NRG2: variants seen among roughly 807,000 people sequenced by gnomAD.
The protein encoded by NRG2 is pro-neuregulin-2, membrane-bound isoform.
Under a neutral mutation model 73.9 loss-of-function variants are expected in NRG2, and 27 were observed. The observed-to-expected ratio is 0.37, with a 90% confidence interval of 0.27 to 0.50. The LOEUF (loss-of-function observed/expected upper bound fraction) is 0.50. NRG2 is among the 20% of genes least tolerant of loss of function. The pLI, the probability that NRG2 is intolerant of heterozygous loss-of-function variation, is 0.96. For synonymous variants in NRG2, 532 were observed against 541.0 expected (o/e 0.98, Z 0.23); for missense variants, 1,126 against 1,210.1 (o/e 0.93, Z 1.03).
intron 1 of NRG2, among the ~76,000 whole-genome samples, chr5:139,974,487 G>A (rs184649186): frequency 6.6e-6 from 1 of 152,330 alleles, no homozygotes; most frequent in Non-Finnish European, 1.5e-5. Flanking sequence ...TTGACAACAC[G>A]TGATTGTGAG....
At chr5:139,907,272 T>C (rs1249764041) in intron 1 of NRG2, among the ~76,000 whole-genome samples, 2 of 152,176 alleles carry the variant, frequency 1.3e-5, no homozygotes, top group African/African-American at 4.8e-5. Context: ...TGGTCTGCTA[T>C]GGAAAGCTCT....
chr5:139,908,138 T>C (rs73271456), intron 1 of NRG2, among the ~76,000 whole-genome samples: 5,567 of 152,356 alleles, frequency 0.037, 364 homozygotes, highest in African/African-American at 0.13. Flanking sequence ...CCATGCTCTT[T>C]ACTCTGAGAC....
chr5:139,855,139 T>A (rs1482596677), intron 6 of NRG2, among the ~76,000 whole-genome samples: 1 of 152,152 alleles, frequency 6.6e-6, no homozygotes, highest in Non-Finnish European at 1.5e-5. Flanking sequence ...CTCTGTCCTT[T>A]TGTCTCAATT....
intron 1 of NRG2, among the ~76,000 whole-genome samples, chr5:139,965,102 C>T (rs1755393814): frequency 6.6e-6 from 1 of 152,240 alleles, no homozygotes; most frequent in Admixed American, 6.5e-5. Flanking sequence ...CTTGTTAACC[C>T]CTCATGGTCA....
chr5:140,020,212 G>A (rs150380982), intron 1 of NRG2, among the ~76,000 whole-genome samples: 3 of 152,312 alleles, frequency 2.0e-5, no homozygotes, highest in Non-Finnish European at 4.4e-5. Context: ...ATAAGAATTG[G>A]TACTAAGTAA....
intron 1 of NRG2, among the ~76,000 whole-genome samples, chr5:139,950,954 T>C (rs1754156247): frequency 6.6e-6 from 1 of 152,210 alleles, no homozygotes; most frequent in Admixed American, 6.5e-5. Context: ...CAATAACAGC[T>C]CCCATATATT....
At chr5:140,013,491 T>C (rs760546569) in intron 1 of NRG2, among the ~76,000 whole-genome samples, 24 of 152,240 alleles carry the variant, frequency 1.6e-4, no homozygotes, top group Non-Finnish European at 3.2e-4. Flanking sequence ...TTAATGCCAC[T>C]GAACTGCACA....
chr5:140,023,132 C>T (rs1343574707), intron 1 of NRG2, among the ~76,000 whole-genome samples: 3 of 152,202 alleles, frequency 2.0e-5, no homozygotes, highest in African/African-American at 7.2e-5. Flanking sequence ...ACATTCCTCT[C>T]TTTCTATCAT....
Position 139,887,459 on chromosome 5 carries a change from C to G in NRG2, c.753G>C (p.Glu251Asp), listed in dbSNP as rs1581867164. The stretch of plus-strand genomic sequence containing the variant: ...CTGCCTCACACTTCAGCGATTGCTT[C>G]TCACCCACCTGTCCCGTCTGGCTCT... ...KMKSQTGQVGEKQSLKCEAAA... is the reference protein window; with the variant it reads ...KMKSQTGQVGDKQSLKCEAAA... The change falls in exon 2 of 10, where the codon GAG becomes GAC. Residue 251 changes from glutamate to aspartate, a missense_variant. This residue lies in a region of NRG2 where 539 missense variants were observed against 703.2 expected (regional missense o/e 0.77). Coordinates refer to ENST00000361474, the MANE Select transcript of NRG2 (RefSeq NM_004883.3). This position sits in a 1 kb window ranked among gnomAD's most constrained non-coding sequence, Gnocchi z 4.5. 6.2e-7 allele frequency: 1 copy of G among 1,614,242 alleles called. No individual in the cohort carries two copies. The highest frequency in any genetic ancestry group is 1.3e-5 in the African/African-American group (1 of 75,058).
At chr5:139,884,680 T>C (rs773908503) in intron 2 of NRG2, among the ~76,000 whole-genome samples, 23 of 152,338 alleles carry the variant, frequency 1.5e-4, no homozygotes, top group Non-Finnish European at 2.8e-4. Context: ...CCAGATTCTA[T>C]AGTAGAAGCT....
At chr5:139,909,071 A>G (rs898583001) in intron 1 of NRG2, among the ~76,000 whole-genome samples, 5 of 152,258 alleles carry the variant, frequency 3.3e-5, no homozygotes, top group Non-Finnish European at 7.3e-5. Context: ...GGATGGGCCC[A>G]GAGACCACAT....
At chr5:139,946,914 G>A (rs1753834440) in intron 1 of NRG2, among the ~76,000 whole-genome samples, 3 of 151,858 alleles carry the variant, frequency 2.0e-5, no homozygotes, top group African/African-American at 7.3e-5. Context: ...ACAAGCATAT[G>A]AAAAGATGCT....
chr5:140,034,414 T>C (rs998875318), intron 1 of NRG2, among the ~76,000 whole-genome samples: 21 of 152,178 alleles, frequency 1.4e-4, no homozygotes, highest in Admixed American at 2.0e-4. Context: ...TGAATGTTTT[T>C]CTGCATGAAT....
chr5:139,887,378 G>A lies in NRG2; in HGVS notation c.834C>T (p.Asn278=), dbSNP rs368041962. The A allele has an allele frequency of 6.2e-7, 1 of 1,614,130 alleles. No homozygotes were observed. Among genetic ancestry groups the A allele is most frequent in the African/African-American group, 1.3e-5 (1 of 74,950 alleles). Residue 278 remains asparagine (N), a synonymous_variant, in exon 2 of 10, where the codon AAC becomes AAT. Transcript: ENST00000361474. This position sits in a 1 kb window ranked among gnomAD's most constrained non-coding sequence, Gnocchi z 4.5. ...ATTTGATGCGAATGTCTCGGCTGCGGTTGAGCTCCTTGCCATCCTTGAACC... is the reference window on the plus strand; with the variant it reads ...ATTTGATGCGAATGTCTCGGCTGCGATTGAGCTCCTTGCCATCCTTGAACC... ...YRWFKDGKEL[N]RSRDIRIKYG... is the part of the protein sequence containing the mutation.
intron 1 of NRG2, among the ~76,000 whole-genome samples, chr5:140,010,345 C>T (rs575087807): frequency 6.6e-6 from 1 of 152,188 alleles, no homozygotes; most frequent in East Asian, 1.9e-4. Flanking sequence ...AATACATGTT[C>T]TCATACACTT....
intron 2 of NRG2, among the ~76,000 whole-genome samples, chr5:139,886,233 C>G (rs1278261284): frequency 6.6e-6 from 1 of 152,196 alleles, no homozygotes; most frequent in Non-Finnish European, 1.5e-5. Context: ...GAAGGAGAAT[C>G]AGAGAACTGG....
At chr5:140,039,194 T>G (rs556557541) in intron 1 of NRG2, among the ~76,000 whole-genome samples, 16 of 152,362 alleles carry the variant, frequency 1.1e-4, no homozygotes, top group African/African-American at 3.8e-4. Flanking sequence ...ATAAGGAAAC[T>G]GCTTAAAAAC....
rs373462739 is a variant in NRG2, at chr5:139,847,947, C to T, written c.2523G>A (p.Pro841=). The change falls in exon 10 of 10, where the codon CCG becomes CCA. Residue 841 remains proline, a synonymous_variant. Coordinates refer to ENST00000361474, the MANE Select transcript of NRG2 (RefSeq NM_004883.3). ...ASSRHSRGPP[P]RAKQDSAPL is the part of the protein sequence containing the mutation. ...GTGGCGCCGAGTCCTGCTTGGCCCG[C>T]GGGGGCGGCCCGCGGCTGTGTCTGC... The T allele has an allele frequency of 7.7e-3, 11,531 of 1,503,012 alleles. 122 individuals are homozygous for T. Among genetic ancestry groups the T allele is most frequent in the Admixed American group, 0.048 (2,231 of 46,294 alleles). 93.1% of individuals were successfully genotyped at this position (1,503,012 alleles called of 1,614,324 possible). A position where few individuals can be genotyped will look rare whatever the true frequency, so the allele number is the denominator to read the frequency against.
chr5:140,009,297 C>T (rs1044309455), intron 1 of NRG2, among the ~76,000 whole-genome samples: 1 of 152,158 alleles, frequency 6.6e-6, no homozygotes, highest in Non-Finnish European at 1.5e-5. Context: ...GAGTCAGTGT[C>T]CTAAATCTAA....
Sources: gnomAD v4.1 joint callset for allele counts (sites outside exome capture counted in the v4.1 genomes callset) on GRCh38, gnomAD v4.1.1 for gene constraint, gnomAD v4.1.1 regional missense constraint, Gnocchi (gnomAD v3.1) non-coding constraint, MANE v1.5 for transcripts, NCBI Gene and HGNC (gene_info 2026-07-23, HGNC 2026-07-21) for gene names.